ADK: variants seen among roughly 807,000 people sequenced by gnomAD.
The protein encoded by ADK is N6,N6-dimethyladenosine kinase.
A neutral mutation model predicts 44.7 loss-of-function variants in ADK; 24 were observed. The observed-to-expected ratio is 0.54, with a 90% CI of 0.39 to 0.76. ADK has a LOEUF of 0.76. Ranked by LOEUF, ADK falls within the 30% of genes least tolerant of loss-of-function variation. The probability of loss-of-function intolerance (pLI) is 0.00; values close to 1 mark genes in which losing one functional copy is unlikely to be tolerated. For synonymous variants in ADK, 128 were observed against 142.6 expected, an observed-to-expected ratio of 0.90 and a Z score of 0.73; for missense variants, 321 against 425.1, an observed-to-expected ratio of 0.76 and a Z score of 2.15.
chr10:74,629,614 A>G (rs998529058), intron 9 of ADK, among the ~76,000 whole-genome samples: 8 of 152,322 alleles, frequency 5.3e-5, no homozygotes, highest in South Asian at 2.1e-4. Flanking sequence ...CAAAGAGCTT[A>G]TACTTGTGAA....
chr10:74,679,584 T>C (rs898737458), intron 10 of ADK, among the ~76,000 whole-genome samples: 6 of 152,140 alleles, frequency 3.9e-5, no homozygotes, highest in African/African-American at 1.4e-4. Context: ...CCTTTTTTTT[T>C]TAATGCCAGT....
intron 1 of ADK, among the ~76,000 whole-genome samples, chr10:74,185,917 G>A (rs532871017): frequency 1.3e-5 from 2 of 150,398 alleles, no homozygotes; most frequent in Admixed American, 6.6e-5. Flanking sequence ...GCCCGATCTC[G>A]GCTCACTGCA....
At chr10:74,231,083 G>T (rs1591900080) in intron 3 of ADK, among the ~76,000 whole-genome samples, 1 of 152,068 alleles carries the variant, frequency 6.6e-6, no homozygotes, top group African/African-American at 2.4e-5. Context: ...ACAGTATTGT[G>T]TTTTGGTTTT....
intron 8 of ADK, among the ~76,000 whole-genome samples, chr10:74,599,572 A>T (rs1024239661): frequency 3.3e-5 from 5 of 152,240 alleles, no homozygotes; most frequent in African/African-American, 1.2e-4. Context: ...GGACAGTTTT[A>T]AAAGCCCACT....
chr10:74,708,184 G>A, intron 10 of ADK, 137 bp from the exon 11 acceptor site: 1 of 935,648 alleles, frequency 1.1e-6, no homozygotes, highest in Admixed American at 1.8e-5. Flanking sequence ...CTCCCTAACG[G>A]TAACGCACAA....
intron 4 of ADK, among the ~76,000 whole-genome samples, chr10:74,353,710 T>C (rs1025648680): frequency 6.6e-6 from 1 of 151,204 alleles, no homozygotes; most frequent in African/African-American, 2.4e-5. Context: ...CTACTAAAAA[T>C]ACAAAAAATT....
At chr10:74,427,356 G>A (rs570839395) in intron 6 of ADK, among the ~76,000 whole-genome samples, 32 of 152,070 alleles carry the variant, frequency 2.1e-4, no homozygotes, top group African/African-American at 7.2e-4. Context: ...CCACCACCAC[G>A]CCTGGCTAAT....
At chr10:74,301,573 C>T (rs1301914475) in intron 3 of ADK, among the ~76,000 whole-genome samples, 2 of 151,314 alleles carry the variant, frequency 1.3e-5, no homozygotes, top group African/African-American at 4.9e-5. Flanking sequence ...GTTATTTCCC[C>T]TAAAAGAATT....
chr10:74,305,001 A>G (rs987859453), intron 3 of ADK, among the ~76,000 whole-genome samples: 1 of 152,232 alleles, frequency 6.6e-6, no homozygotes, highest in Non-Finnish European at 1.5e-5. Context: ...AGGATTCTCA[A>G]GTCCCTGATA....
At chr10:74,604,511 C>A (rs1438883278) in intron 9 of ADK, among the ~76,000 whole-genome samples, 3 of 152,116 alleles carry the variant, frequency 2.0e-5, no homozygotes, top group Non-Finnish European at 4.4e-5. Flanking sequence ...AATAGGGATT[C>A]TTTTCCCCCA....
intron 4 of ADK, among the ~76,000 whole-genome samples, chr10:74,386,055 T>A (rs937532415): frequency 1.3e-5 from 2 of 152,214 alleles, no homozygotes; most frequent in Non-Finnish European, 2.9e-5. Flanking sequence ...TCTTGTGTTT[T>A]GCCCTGTCTC....
chr10:74,234,231 A>T (rs1844881243), intron 3 of ADK, among the ~76,000 whole-genome samples: 1 of 152,180 alleles, frequency 6.6e-6, no homozygotes, highest in Non-Finnish European at 1.5e-5. Flanking sequence ...TTCTTTTTGG[A>T]AAGTGTTGAA....
At chr10:74,173,218 G>A (rs193178726) in intron 1 of ADK, among the ~76,000 whole-genome samples, 73 of 149,286 alleles carry the variant, frequency 4.9e-4, no homozygotes, top group African/African-American at 1.7e-3. Context: ...AGCCTCCCAA[G>A]TGGCTGGGAC....
chr10:74,202,678 A>G (rs954310513), intron 2 of ADK, among the ~76,000 whole-genome samples: 1 of 152,112 alleles, frequency 6.6e-6, no homozygotes, highest in Non-Finnish European at 1.5e-5. Context: ...ATGATGTCTC[A>G]TTGTGATTTT....
chr10:74,496,415 A>G (rs1260782098), intron 6 of ADK, among the ~76,000 whole-genome samples: 1 of 152,192 alleles, frequency 6.6e-6, no homozygotes, highest in Non-Finnish European at 1.5e-5. Context: ...ACAAGATCAG[A>G]TGGTTTAATA....
At chr10:74,700,728 G>C (rs1235239865) in intron 10 of ADK, among the ~76,000 whole-genome samples, 1 of 152,172 alleles carries the variant, frequency 6.6e-6, no homozygotes, top group African/African-American at 2.4e-5. Flanking sequence ...CAGTGAAAGT[G>C]GTTGCTTAAA....
At chr10:74,424,068 A>T (rs1297469814) in intron 6 of ADK, 2 of 153,578 alleles carry the variant, frequency 1.3e-5, no homozygotes, top group Non-Finnish European at 2.9e-5. Context: ...AGCCATTGCT[A>T]TGCAAAGAGG....
intron 10 of ADK, among the ~76,000 whole-genome samples, chr10:74,684,816 C>T (rs540429368): frequency 3.9e-4 from 59 of 152,228 alleles, no homozygotes; most frequent in African/African-American, 1.3e-3. Context: ...ATCCAGTTTG[C>T]GTCTTTATTA....
chr10:74,234,070 C>CT (rs1287705465), intron 3 of ADK, among the ~76,000 whole-genome samples: 1 of 152,170 alleles, frequency 6.6e-6, no homozygotes, highest in Non-Finnish European at 1.5e-5. Context: ...GAGAATGTAG[C>CT]TATGGCAGAT....
Sources: gnomAD v4.1 joint callset for allele counts (sites outside exome capture counted in the v4.1 genomes callset) on GRCh38, gnomAD v4.1.1 for gene constraint, MANE v1.5 for transcripts, NCBI Gene and HGNC (gene_info 2026-07-23, HGNC 2026-07-21) for gene names.